The following CDH8 variants were observed in gnomAD, a reference collection of about 807,000 sequenced individuals.
CDH8 encodes cadherin 8, also known as cadherin-8.
In CDH8, 17 loss-of-function variants were observed where a neutral mutation model predicts 68.1. That is an observed-to-expected ratio of 0.25 (90% CI 0.17 to 0.37). CDH8 has a LOEUF of 0.37. Ranked by LOEUF, CDH8 falls within the 10% of genes least tolerant of loss-of-function variation. The probability of loss-of-function intolerance (pLI) is 1.00; values close to 1 mark genes in which losing one functional copy is unlikely to be tolerated. For synonymous variants in CDH8, 372 were observed against 365.1 expected (o/e 1.02, Z -0.21); for missense variants, 763 against 999.3 (o/e 0.76, Z 3.19).
intron 10 of CDH8, among the ~76,000 whole-genome samples, chr16:61,663,704 T>G (rs1054939075): frequency 6.6e-6 from 1 of 151,986 alleles, no homozygotes; most frequent in African/African-American, 2.4e-5. Context: ...GAGACAGCAA[T>G]GAATATCTAT....
chr16:61,891,672 T>G (rs559047491), intron 3 of CDH8, among the ~76,000 whole-genome samples: 1 of 152,264 alleles, frequency 6.6e-6, no homozygotes, highest in Admixed American at 6.5e-5. Flanking sequence ...CTCACCCCAT[T>G]GTAGAGTTTT....
intron 8 of CDH8, among the ~76,000 whole-genome samples, chr16:61,777,247 T>C (rs963605823): frequency 6.6e-6 from 1 of 152,108 alleles, no homozygotes; most frequent in African/African-American, 2.4e-5. Context: ...TGTTCAGATA[T>C]CTAGGGTCTT....
intron 8 of CDH8, among the ~76,000 whole-genome samples, chr16:61,751,895 A>C (rs902368470): frequency 1.3e-5 from 2 of 152,088 alleles, no homozygotes; most frequent in Admixed American, 6.6e-5. Flanking sequence ...CAAGCCAAAT[A>C]ATATTGTTAA....
intron 1 of CDH8, among the ~76,000 whole-genome samples, chr16:62,034,627 T>C (rs1902409119): frequency 6.6e-6 from 1 of 152,082 alleles, no homozygotes; most frequent in South Asian, 2.1e-4. Context: ...CCAGATATCA[T>C]GACGCCAGGT....
At chr16:61,817,961 T>G in intron 6 of CDH8, 1 of 415,628 alleles carries the variant, frequency 2.4e-6, no homozygotes, top group Non-Finnish European at 4.3e-6. Context: ...TTTGTTTTGC[T>G]CATTTCACTT....
intron 2 of CDH8, among the ~76,000 whole-genome samples, chr16:62,003,750 G>A (rs1965930765): frequency 6.6e-6 from 1 of 152,086 alleles, no homozygotes; most frequent in South Asian, 2.1e-4. Context: ...TATGGTATTT[G>A]CATGCGACAT....
intron 2 of CDH8, among the ~76,000 whole-genome samples, chr16:61,915,219 A>G (rs1964219962): frequency 6.6e-6 from 1 of 152,184 alleles, no homozygotes; most frequent in Non-Finnish European, 1.5e-5. Flanking sequence ...CAGTCGGAAA[A>G]TATACTGCTA....
At chr16:62,000,385 C>T (rs1252125662) in intron 2 of CDH8, among the ~76,000 whole-genome samples, 1 of 152,154 alleles carries the variant, frequency 6.6e-6, no homozygotes, top group Non-Finnish European at 1.5e-5. Context: ...ACACTGTCTT[C>T]CATAATGGTT....
At chr16:61,816,741 G>T (rs1378104832) in intron 7 of CDH8, among the ~76,000 whole-genome samples, 1 of 150,314 alleles carries the variant, frequency 6.7e-6, no homozygotes, top group Non-Finnish European at 1.5e-5. Context: ...ACTGGAAAAA[G>T]AAAAAAGATG....
chr16:61,856,161 C>T (rs1237114053), intron 4 of CDH8, among the ~76,000 whole-genome samples: 1 of 152,030 alleles, frequency 6.6e-6, no homozygotes, highest in Non-Finnish European at 1.5e-5. Flanking sequence ...TTTATCTCAA[C>T]AGCGCTGAAA....
At chr16:61,703,345 A>C (rs1432937061) in intron 10 of CDH8, among the ~76,000 whole-genome samples, 1 of 152,092 alleles carries the variant, frequency 6.6e-6, no homozygotes, top group Non-Finnish European at 1.5e-5. Context: ...ACCTGAACAT[A>C]TTTCCATTTT....
intron 2 of CDH8, among the ~76,000 whole-genome samples, chr16:61,917,109 G>GTGTGT (rs1964251800): frequency 7.1e-6 from 1 of 140,352 alleles, no homozygotes; most frequent in Admixed American, 7.2e-5. Context: ...GTGTGTGTAT[G>GTGTGT]ATGTCTGTCC....
chr16:61,709,512 A>G (rs1421486010), intron 10 of CDH8, among the ~76,000 whole-genome samples: 10 of 152,250 alleles, frequency 6.6e-5, no homozygotes, highest in Admixed American at 3.9e-4. Flanking sequence ...GAAGTTTGAG[A>G]TAGGCTGATG....
chr16:61,739,675 A>G lies in CDH8; in HGVS notation c.1415-12460T>C, dbSNP rs560139122. Reference sequence around the variant, plus strand: ...ATTGTTGAATATCTACTGAGTCCAAACGAAATCATGCCACTACACTCTAGC... The same window carrying G: ...ATTGTTGAATATCTACTGAGTCCAAGCGAAATCATGCCACTACACTCTAGC... On this transcript the variant is annotated intron_variant, in intron 8 of 11. Transcript: ENST00000577390. 1.3e-4 allele frequency among the ~76,000 whole-genome samples: 19 copies of G among 150,394 alleles called. No homozygotes were observed. The Admixed American group carries it at 1.3e-3, about 10-fold the overall frequency.
chr16:61,884,950 T>C (rs1042177685), intron 3 of CDH8, among the ~76,000 whole-genome samples: 1 of 152,076 alleles, frequency 6.6e-6, no homozygotes, highest in Admixed American at 6.6e-5. Context: ...CACATATATT[T>C]TTAAAGTCAC....
chr16:61,678,358 C>T (rs1285706567), intron 10 of CDH8, among the ~76,000 whole-genome samples: 1 of 152,006 alleles, frequency 6.6e-6, no homozygotes, highest in East Asian at 1.9e-4. Context: ...AAATATTTTA[C>T]AGAGTTTGAC....
At chr16:61,771,472 CAAA>C (rs11355312) in intron 8 of CDH8, among the ~76,000 whole-genome samples, 54 of 62,262 alleles carry the variant, frequency 8.7e-4, no homozygotes, top group African/African-American at 2.2e-3. Flanking sequence ...AAAAGCCAGC[CAAA>C]AAAAAAAAAA....
intron 10 of CDH8, among the ~76,000 whole-genome samples, chr16:61,686,316 G>A (rs371217878): frequency 1.3e-5 from 2 of 151,740 alleles, no homozygotes; most frequent in East Asian, 1.9e-4. Context: ...TTCAAATTTC[G>A]TAGTCACCTA....
chr16:61,737,428 TAAG>T (rs1435186564), intron 8 of CDH8, among the ~76,000 whole-genome samples: 2 of 152,038 alleles, frequency 1.3e-5, no homozygotes, highest in Admixed American at 6.6e-5. Context: ...TTTATAAAAA[TAAG>T]AAGATGTGAA....
Sources: gnomAD v4.1 joint callset for allele counts (sites outside exome capture counted in the v4.1 genomes callset) on GRCh38, gnomAD v4.1.1 for gene constraint, MANE v1.5 for transcripts, NCBI Gene and HGNC (gene_info 2026-07-23, HGNC 2026-07-21) for gene names.